SH3RF3: variants seen among roughly 807,000 people sequenced by gnomAD.
The protein encoded by SH3RF3 is E3 ubiquitin-protein ligase SH3RF3.
SH3RF3 carries 29 observed loss-of-function variants against 66.3 expected under a neutral mutation model. The observed-to-expected ratio is 0.44, with a 90% CI of 0.33 to 0.60. The LOEUF (loss-of-function observed/expected upper bound fraction) is 0.60, where lower values mean the gene tolerates loss of function less well. Among genes scored for constraint, SH3RF3 ranks in the 20% least tolerant of loss-of-function variants. SH3RF3 has a pLI of 0.04. For missense variants in SH3RF3, 1,194 were observed against 1,190.9 expected, an observed-to-expected ratio of 1.00 and a Z score of -0.04; for synonymous variants, 583 against 532.0, an observed-to-expected ratio of 1.10 and a Z score of -1.32.
chr2:109,315,228 G>A (rs1399395569), intron 1 of SH3RF3, among the ~76,000 whole-genome samples: 2 of 152,182 alleles, frequency 1.3e-5, no homozygotes, highest in Non-Finnish European at 2.9e-5. Context: ...GAGTGGAGAG[G>A]GCTATAGTCT....
At chr2:109,258,226 G>C (rs935691973) in intron 1 of SH3RF3, among the ~76,000 whole-genome samples, 1 of 152,162 alleles carries the variant, frequency 6.6e-6, no homozygotes, top group Admixed American at 6.5e-5. Flanking sequence ...TTCCAGGAGT[G>C]GGGGACAGCC....
chr2:109,136,851 C>A (rs532392758), intron 1 of SH3RF3, among the ~76,000 whole-genome samples: 1 of 152,272 alleles, frequency 6.6e-6, no homozygotes, highest in Admixed American at 6.5e-5. Context: ...ACCGGGGCAC[C>A]TGTAAATGTG....
At chr2:109,139,775 A>G (rs771794308) in intron 1 of SH3RF3, among the ~76,000 whole-genome samples, 1 of 152,214 alleles carries the variant, frequency 6.6e-6, no homozygotes, top group Non-Finnish European at 1.5e-5. Context: ...CCATTGAACA[A>G]TGGAGTTTAA....
At chr2:109,410,609 T>G (rs1676562203) in intron 4 of SH3RF3, among the ~76,000 whole-genome samples, 1 of 152,246 alleles carries the variant, frequency 6.6e-6, no homozygotes. Flanking sequence ...GAGGGATTGC[T>G]GGAGTTGTTC....
At chr2:109,367,771 A>T (rs144266160) in intron 2 of SH3RF3, among the ~76,000 whole-genome samples, 1 of 152,358 alleles carries the variant, frequency 6.6e-6, no homozygotes, top group East Asian at 1.9e-4. Flanking sequence ...GTCTTCAGTA[A>T]CAAATCTTTC....
chr2:109,492,461 T>G (rs1045844943), intron 9 of SH3RF3, among the ~76,000 whole-genome samples: 2 of 152,224 alleles, frequency 1.3e-5, no homozygotes, highest in South Asian at 2.1e-4. Flanking sequence ...GAGCTGGGTG[T>G]TCTGCACAGG....
At chr2:109,238,790 G>A (rs1268543918) in intron 1 of SH3RF3, among the ~76,000 whole-genome samples, 1 of 152,068 alleles carries the variant, frequency 6.6e-6, no homozygotes, top group East Asian at 1.9e-4. Context: ...CAGAGGCAAG[G>A]CCCCTGATGA....
chr2:109,283,998 G>A (rs572098259), intron 1 of SH3RF3, among the ~76,000 whole-genome samples: 12 of 152,290 alleles, frequency 7.9e-5, no homozygotes, highest in Admixed American at 5.9e-4. Context: ...TTCCAGGAGA[G>A]CTTGCCCTGG....
At position 109,251,719 on chromosome 2, in the gene SH3RF3, T is replaced by C; in HGVS notation, c.574-95955T>C. On this transcript the variant is annotated intron_variant, in intron 1 of 9. Coordinates refer to ENST00000309415, the MANE Select transcript of SH3RF3 (RefSeq NM_001099289.3). ...TTCTATTTTACTATGATGTAAAAAT[T>C]AGGTCGTGTACATTTTCATATTAGA... 4 of 766,414 alleles carry C rather than the reference T, an allele frequency of 5.2e-6. No homozygotes were observed. The East Asian group carries it at 7.6e-5, about 15-fold the overall frequency. 47.5% of individuals were successfully genotyped at this position (766,414 alleles called of 1,614,324 possible).
chr2:109,162,879 C>A (rs141323930), intron 1 of SH3RF3, among the ~76,000 whole-genome samples: 3 of 152,008 alleles, frequency 2.0e-5, no homozygotes, highest in South Asian at 2.1e-4. Flanking sequence ...AGATGATTAC[C>A]AAAAAAACCA....
At chr2:109,485,119 T>G (rs926820478) in intron 8 of SH3RF3, among the ~76,000 whole-genome samples, 2 of 152,220 alleles carry the variant, frequency 1.3e-5, no homozygotes, top group African/African-American at 4.8e-5. Flanking sequence ...TTGAGTCCCT[T>G]TCTATCTGCT....
At chr2:109,347,019 G>T (rs150474074) in intron 1 of SH3RF3, among the ~76,000 whole-genome samples, 55 of 152,250 alleles carry the variant, frequency 3.6e-4, no homozygotes, top group African/African-American at 1.3e-3. Flanking sequence ...CATCATCCTC[G>T]TGTGTGTACC....
Position 109,467,426 on chromosome 2 carries a change from C to T in SH3RF3, c.2148+17937C>T, listed in dbSNP as rs1573276247. Among the ~76,000 whole-genome samples the T allele has an allele frequency of 1.3e-5, 2 of 152,186 alleles. 1 individual carries two copies. Among genetic ancestry groups the T allele is most frequent in the South Asian group, 4.1e-4 (2 of 4,822 alleles). ...CGTGTCTATAAAACTTTGGAAAATG[C>T]ACACCCATGTTTAGTGACAGAAAGC... On this transcript the variant is annotated intron_variant, in intron 8 of 9. Coordinates refer to ENST00000309415, the MANE Select transcript of SH3RF3 (RefSeq NM_001099289.3).
chr2:109,270,820 G>T (rs1349590707), intron 1 of SH3RF3, among the ~76,000 whole-genome samples: 2 of 152,230 alleles, frequency 1.3e-5, no homozygotes, highest in African/African-American at 4.8e-5. Flanking sequence ...GTTACAGACA[G>T]AAGTCACAGT....
chr2:109,279,555 A>G (rs1444451571), intron 1 of SH3RF3, among the ~76,000 whole-genome samples: 9 of 152,176 alleles, frequency 5.9e-5, no homozygotes, highest in Admixed American at 4.6e-4. Flanking sequence ...CAGGGCTGGA[A>G]TGAGGAGCAC....
chr2:109,428,296 T>C (rs1478193496), intron 5 of SH3RF3, among the ~76,000 whole-genome samples: 2 of 152,246 alleles, frequency 1.3e-5, no homozygotes, highest in African/African-American at 4.8e-5. Context: ...ATACTTTGGT[T>C]TACTCTGATT....
chr2:109,486,570 C>T (rs535525879), intron 8 of SH3RF3, among the ~76,000 whole-genome samples: 9 of 152,300 alleles, frequency 5.9e-5, no homozygotes, highest in Non-Finnish European at 1.0e-4. Context: ...CCTTTAAAAG[C>T]GCTCCTATAG....
intron 8 of SH3RF3, among the ~76,000 whole-genome samples, chr2:109,483,451 C>T (rs927174760): frequency 3.3e-5 from 5 of 152,210 alleles, no homozygotes; most frequent in African/African-American, 1.2e-4. Flanking sequence ...GTGCTCCCTT[C>T]TCTGAGCCAG....
chr2:109,400,736 C>T (rs1220541604), intron 4 of SH3RF3, among the ~76,000 whole-genome samples: 10 of 152,186 alleles, frequency 6.6e-5, no homozygotes, highest in Non-Finnish European at 1.0e-4. Flanking sequence ...TGGCTCTCAT[C>T]GGCGGCTGAG....
Sources: gnomAD v4.1 joint callset for allele counts (sites outside exome capture counted in the v4.1 genomes callset) on GRCh38, gnomAD v4.1.1 for gene constraint, MANE v1.5 for transcripts, NCBI Gene and HGNC (gene_info 2026-07-23, HGNC 2026-07-21) for gene names.